The following ZFHX3 variants were observed in gnomAD, a reference collection of about 807,000 sequenced individuals.
ZFHX3 encodes the protein zinc finger homeobox 3, also known as zinc finger homeobox protein 3.
A neutral mutation model predicts 279.1 loss-of-function variants in ZFHX3; 42 were observed. The ratio of observed to expected loss-of-function variants is 0.15; its 90% CI spans 0.12 to 0.19. The LOEUF (loss-of-function observed/expected upper bound fraction) is 0.19, where lower values mean the gene tolerates loss of function less well. Among genes scored for constraint, ZFHX3 ranks in the 10% least tolerant of loss-of-function variants. ZFHX3 has a pLI of 1.00. For missense variants in ZFHX3, 4,981 were observed against 4,754.0 expected (o/e 1.05, Z -1.40); for synonymous variants, 2,293 against 1,957.8 (o/e 1.17, Z -4.52).
chr16:73,064,615 C>G (rs1965723566), upstream of ZFHX3, among the ~76,000 whole-genome samples: 1 of 151,734 alleles, frequency 6.6e-6, no homozygotes, highest in South Asian at 2.1e-4. Flanking sequence ...TTCTTTTTTC[C>G]TGTTTCTCAG....
chr16:73,833,913 T>A (rs1464412748), intron 1 of ZFHX3, among the ~76,000 whole-genome samples: 6 of 151,698 alleles, frequency 4.0e-5, no homozygotes, highest in Non-Finnish European at 5.9e-5. Flanking sequence ...TGTGTGTATA[T>A]GTAATCTCAG....
intron 1 of ZFHX3, among the ~76,000 whole-genome samples, chr16:73,754,032 T>C (rs1028649477): frequency 8.0e-6 from 1 of 124,960 alleles, no homozygotes; most frequent in Admixed American, 8.1e-5. Context: ...TTTTATACTT[T>C]CTTGGACTGC....
At chr16:73,606,582 T>C (rs1455231732) in intron 2 of ZFHX3, among the ~76,000 whole-genome samples, 2 of 152,122 alleles carry the variant, frequency 1.3e-5, no homozygotes, top group Non-Finnish European at 2.9e-5. Flanking sequence ...GAGTTTTTAT[T>C]TTATTTCATT....
intron 5 of ZFHX3, among the ~76,000 whole-genome samples, chr16:72,825,052 T>G (rs2036899382): frequency 6.6e-6 from 1 of 152,248 alleles, no homozygotes; most frequent in African/African-American, 2.4e-5. Flanking sequence ...CCACTCACCC[T>G]CTTGGAACTC....
At chr16:73,279,149 C>A (rs2014393084) in intron 4 of ZFHX3, among the ~76,000 whole-genome samples, 1 of 151,800 alleles carries the variant, frequency 6.6e-6, no homozygotes, top group South Asian at 2.1e-4. Context: ...ACAGTTAATT[C>A]ATTTTGCACA....
chr16:72,950,430 T>G, intron 3 of ZFHX3, 39 bp downstream of exon 3: 1 of 1,595,118 alleles, frequency 6.3e-7, no homozygotes, highest in Non-Finnish European at 8.6e-7. Context: ...CCCCCTCCTT[T>G]CAGAAAGAGC....
intron 1 of ZFHX3, among the ~76,000 whole-genome samples, chr16:73,042,909 G>T (rs1965167746): frequency 6.6e-6 from 1 of 151,656 alleles, no homozygotes; most frequent in Non-Finnish European, 1.5e-5. Flanking sequence ...AAGCCTTTAG[G>T]CCCCTTATGT....
At chr16:73,227,762 T>C (rs1022874499) in intron 5 of ZFHX3, among the ~76,000 whole-genome samples, 6 of 141,526 alleles carry the variant, frequency 4.2e-5, no homozygotes, top group Admixed American at 7.7e-5. Flanking sequence ...GGCATGATAA[T>C]CATTTGAACC....
At chr16:73,222,619 A>G (rs1204385920) in intron 5 of ZFHX3, among the ~76,000 whole-genome samples, 1 of 152,118 alleles carries the variant, frequency 6.6e-6, no homozygotes, top group Non-Finnish European at 1.5e-5. Flanking sequence ...CAAAGACTCA[A>G]TATTGTTAAG....
chr16:73,400,202 A>C (rs2017221608), intron 3 of ZFHX3: 1 of 152,190 alleles, frequency 6.6e-6, no homozygotes, highest in African/African-American at 2.4e-5. Flanking sequence ...TAACCAGAGA[A>C]GATATAAGTT....
At chr16:73,434,063 A>G (rs1043932762) in intron 3 of ZFHX3, among the ~76,000 whole-genome samples, 1 of 152,188 alleles carries the variant, frequency 6.6e-6, no homozygotes, top group African/African-American at 2.4e-5. Context: ...TTGTAACTCT[A>G]TCAGGACTAG....
intron 1 of ZFHX3, chr16:73,794,458 T>A (rs737672): frequency 2.6e-5 from 4 of 152,034 alleles, no homozygotes; most frequent in Admixed American, 6.5e-5. Context: ...TAATGAGATG[T>A]CTAATAAGAA....
At chr16:73,470,831 C>T (rs1362976766) in intron 2 of ZFHX3, among the ~76,000 whole-genome samples, 2 of 152,210 alleles carry the variant, frequency 1.3e-5, no homozygotes, top group East Asian at 1.9e-4. Flanking sequence ...ATCACGGCTA[C>T]CTGTTTCCTG....
intron 1 of ZFHX3, among the ~76,000 whole-genome samples, chr16:73,734,820 T>C (rs1443645811): frequency 3.9e-5 from 6 of 152,202 alleles, no homozygotes. Context: ...TATTACAGTA[T>C]GTGAATATGT....
At chr16:73,142,429 C>T (rs946601392) in intron 6 of ZFHX3, among the ~76,000 whole-genome samples, 2 of 152,206 alleles carry the variant, frequency 1.3e-5, no homozygotes, top group Non-Finnish European at 2.9e-5. Flanking sequence ...CTTTGAAATA[C>T]AATCATGGCT....
At chr16:73,145,680 T>C (rs898022393) in intron 5 of ZFHX3, among the ~76,000 whole-genome samples, 2 of 152,254 alleles carry the variant, frequency 1.3e-5, no homozygotes, top group African/African-American at 4.8e-5. Flanking sequence ...GGAGGTGGAT[T>C]GCGGTGACGC....
chr16:72,819,034 A>C (rs2036700536), intron 5 of ZFHX3, among the ~76,000 whole-genome samples: 1 of 152,210 alleles, frequency 6.6e-6, no homozygotes, highest in Non-Finnish European at 1.5e-5. Context: ...AGCAGCTCTT[A>C]GTTGTTATTA....
chr16:73,729,258 G>A (rs935904498), intron 1 of ZFHX3, among the ~76,000 whole-genome samples: 1 of 152,196 alleles, frequency 6.6e-6, no homozygotes, highest in Non-Finnish European at 1.5e-5. Context: ...ATGGCGTGGA[G>A]GCTCACGCCT....
intron 2 of ZFHX3, among the ~76,000 whole-genome samples, chr16:73,543,060 C>T (rs752232137): frequency 1.2e-4 from 18 of 152,160 alleles, no homozygotes; most frequent in African/African-American, 3.6e-4. Context: ...GTTGCACAGG[C>T]GATCCTGAAT....
Sources: gnomAD v4.1 joint callset for allele counts (sites outside exome capture counted in the v4.1 genomes callset) on GRCh38, gnomAD v4.1.1 for gene constraint, MANE v1.5 for transcripts, NCBI Gene and HGNC (gene_info 2026-07-23, HGNC 2026-07-21) for gene names.